BICRA: variants seen among roughly 807,000 people sequenced by gnomAD.
BICRA encodes the protein BRD4 interacting chromatin remodeling complex associated protein.
In BICRA, 31 loss-of-function variants were observed where a neutral mutation model predicts 96.9. The observed-to-expected ratio is 0.32, with a 90% CI of 0.24 to 0.43. The LOEUF (loss-of-function observed/expected upper bound fraction) is 0.43. Ranked by LOEUF, BICRA falls within the 20% of genes least tolerant of loss-of-function variation. The probability of loss-of-function intolerance (pLI) is 1.00; values close to 1 mark genes in which losing one functional copy is unlikely to be tolerated. For synonymous variants in BICRA, 1,350 were observed against 1,071.8 expected (o/e 1.26, Z -5.07); for missense variants, 2,283 against 2,190.3 (o/e 1.04, Z -0.84).
Position 47,675,600 on chromosome 19 carries a change from G to A in BICRA, c.85-251G>A, listed in dbSNP as rs923043371. Among the ~76,000 whole-genome samples, 3 of 152,182 alleles carry A rather than the reference G, an allele frequency of 2.0e-5. No homozygotes were observed. Among genetic ancestry groups the A allele is most frequent in the African/African-American group, 4.8e-5 (2 of 41,444 alleles). ...TGAAGGCAGGATTCCGGAATTCGAGGCAGTCACAGCAGGATCGCTTCGCAG... is the reference window on the plus strand; with the variant it reads ...TGAAGGCAGGATTCCGGAATTCGAGACAGTCACAGCAGGATCGCTTCGCAG... On this transcript the variant is annotated intron_variant, in intron 4 of 14. Coordinates refer to ENST00000594866, the MANE Select transcript of BICRA (RefSeq NM_001394372.1). This position sits in a 1 kb window ranked among gnomAD's most constrained non-coding sequence, Gnocchi z 4.7.
At chr19:47,609,912 G>A (rs965013190) in intron 1 of BICRA, among the ~76,000 whole-genome samples, 1 of 152,114 alleles carries the variant, frequency 6.6e-6, no homozygotes, top group African/African-American at 2.4e-5. Context: ...AGAGGGAGGT[G>A]ACCCCCTCCC....
intron 1 of BICRA, among the ~76,000 whole-genome samples, chr19:47,639,278 G>T (rs150350793): frequency 7.1e-6 from 1 of 141,236 alleles, no homozygotes; most frequent in Non-Finnish European, 1.5e-5. Context: ...AAAGTGCTGC[G>T]ATTATAAGTG....
At chr19:47,688,093 T>G (rs540203352) in intron 7 of BICRA, among the ~76,000 whole-genome samples, 1 of 151,930 alleles carries the variant, frequency 6.6e-6, no homozygotes, top group Non-Finnish European at 1.5e-5. Context: ...GTGTGTGAAG[T>G]TGAGCATCTT....
At chr19:47,616,375 G>A (rs1276558448) in intron 1 of BICRA, among the ~76,000 whole-genome samples, 1 of 152,208 alleles carries the variant, frequency 6.6e-6, no homozygotes, top group Non-Finnish European at 1.5e-5. Context: ...GGTGGCTCAT[G>A]CCTGTAATCC....
chr19:47,698,929 A>C lies in BICRA; in HGVS notation c.3398-36A>C. The C allele has an allele frequency of 1.3e-6, 2 of 1,500,236 alleles. No homozygotes were observed. The highest frequency in any genetic ancestry group is 1.8e-6 in the Non-Finnish European group (2 of 1,097,708). 92.9% of individuals were successfully genotyped at this position (1,500,236 alleles called of 1,614,324 possible). A position where few individuals can be genotyped will look rare whatever the true frequency, so the allele number is the denominator to read the frequency against. The stretch of plus-strand genomic sequence containing the variant: ...TCCTGCGCATCCGCGGCCGCCCCCA[A>C]CATCTCCGCCCTTGCCTCTCTTCCC... On this transcript the variant is annotated intron_variant, in intron 12 of 14. Transcript: ENST00000594866. The surrounding 1 kb of genome is among the most constrained non-coding windows in gnomAD (Gnocchi z 4.8).
At chr19:47,668,611 C>T (rs1972818215) in intron 1 of BICRA, among the ~76,000 whole-genome samples, 1 of 151,734 alleles carries the variant, frequency 6.6e-6, no homozygotes, top group Non-Finnish European at 1.5e-5. Flanking sequence ...CCTCAGTCTC[C>T]TGAGTAGGCA....
chr19:47,674,996 A>G (rs1039117308), intron 4 of BICRA, among the ~76,000 whole-genome samples: 9 of 152,274 alleles, frequency 5.9e-5, no homozygotes, highest in Non-Finnish European at 1.2e-4. Context: ...GGCATGAGCA[A>G]TGGGATGATG....
chr19:47,674,755 T>C (rs1972916700), intron 4 of BICRA, among the ~76,000 whole-genome samples: 2 of 152,164 alleles, frequency 1.3e-5, no homozygotes, highest in Non-Finnish European at 2.9e-5. Flanking sequence ...TAGTGCTGCT[T>C]GAGTGTCTTC....
Position 47,647,044 on chromosome 19 carries a change from C to T in BICRA, c.-107-23399C>T, listed in dbSNP as rs531391392. The stretch of plus-strand genomic sequence containing the variant: ...GACATTTCGTGGAAACAGACTCTTA[C>T]ACGACGTGGCCTTTTGTGCCTGGCT... On this transcript the variant is annotated intron_variant, in intron 1 of 14. Coordinates refer to ENST00000594866, the MANE Select transcript of BICRA (RefSeq NM_001394372.1). Among the ~76,000 whole-genome samples, 21 of 152,340 alleles carry T rather than the reference C, an allele frequency of 1.4e-4. No individual in the cohort carries two copies. In the South Asian group the frequency reaches 4.3e-3, roughly 32 times the overall value.
intron 1 of BICRA, chr19:47,662,186 G>C (rs74254180): frequency 0.21 from 32,628 of 152,390 alleles, 4,566 homozygotes; most frequent in East Asian, 0.52. Flanking sequence ...TTTGGACTGG[G>C]CGTAGCTAGG....
chr19:47,692,129 G>C lies in BICRA; in HGVS notation c.2284-1986G>C, dbSNP rs113148388. ...TGAGTGGGCCAGTTCTCTTTTCTCC[G>C]ACTCAGCGACGCACCTGCCATTGGC... On this transcript the variant is annotated intron_variant, in intron 7 of 14. Transcript: ENST00000594866. Among the ~76,000 whole-genome samples, 248 of 152,132 alleles carry C rather than the reference G, an allele frequency of 1.6e-3. 5 individuals are homozygous for C. Among genetic ancestry groups the C allele is most frequent in the African/African-American group, 5.9e-3 (243 of 41,498 alleles).
At chr19:47,630,196 TGTCGCCTAGGCTGGAGTGCAGTGGC>T (rs1168725591) in intron 1 of BICRA, among the ~76,000 whole-genome samples, 3 of 143,952 alleles carry the variant, frequency 2.1e-5, no homozygotes, top group African/African-American at 7.8e-5. Context: ...AGTCTCACTC[TGTCGCCTAGGCTGGAGTGCAGTGGC>T]GCAATCTCGG....
intron 2 of BICRA, among the ~76,000 whole-genome samples, chr19:47,672,572 A>AGTGG (rs1264883021): frequency 1.7e-5 from 2 of 120,662 alleles, no homozygotes; most frequent in Non-Finnish European, 3.4e-5. Context: ...TGGAAAGATA[A>AGTGG]AGAAGTGGAT....
chr19:47,609,071 T>C (rs1971853068), upstream of BICRA: 2 of 147,486 alleles, frequency 1.4e-5, no homozygotes, highest in African/African-American at 4.9e-5. Flanking sequence ...GGCAGTGCGC[T>C]GACCGGCCCG....
chr19:47,684,415 C>G lies in BICRA; in HGVS notation c.2283+2263C>G, dbSNP rs11083890. ...CAAGCTGGTCTCAAACGCCTGACCT[C>G]AGGTGAACCACCTGCCTCGGCCTCC... On this transcript the variant is annotated intron_variant, in intron 7 of 14. Coordinates refer to ENST00000594866, the MANE Select transcript of BICRA (RefSeq NM_001394372.1). Among the ~76,000 whole-genome samples, 578 of 152,290 alleles carry G rather than the reference C, an allele frequency of 3.8e-3. 5 individuals are homozygous for G. The highest frequency in any genetic ancestry group is 0.013 in the African/African-American group (559 of 41,562).
At chr19:47,629,655 T>C (rs1972191499) in intron 1 of BICRA, among the ~76,000 whole-genome samples, 1 of 143,570 alleles carries the variant, frequency 7.0e-6, no homozygotes, top group Non-Finnish European at 1.6e-5. Flanking sequence ...AAATATCTAT[T>C]TTTTTTGTGT....
At chr19:47,619,159 A>G (rs1287475386) in intron 1 of BICRA, among the ~76,000 whole-genome samples, 8 of 150,908 alleles carry the variant, frequency 5.3e-5, no homozygotes, top group African/African-American at 2.0e-4. Flanking sequence ...TTGTGTGTAT[A>G]CTTACTCTTT....
At chr19:47,632,606 C>T (rs1024614272) in intron 1 of BICRA, among the ~76,000 whole-genome samples, 2 of 152,210 alleles carry the variant, frequency 1.3e-5, no homozygotes, top group African/African-American at 4.8e-5. Flanking sequence ...GGGCTCCCAT[C>T]ACTGTGTGCC....
chr19:47,649,557 A>G (rs1006526540), intron 1 of BICRA, among the ~76,000 whole-genome samples: 17 of 152,318 alleles, frequency 1.1e-4, no homozygotes, highest in Admixed American at 1.0e-3. Flanking sequence ...CCTGTCCAAC[A>G]GAATCTATTT....
Sources: gnomAD v4.1 joint callset for allele counts (sites outside exome capture counted in the v4.1 genomes callset) on GRCh38, gnomAD v4.1.1 for gene constraint, Gnocchi (gnomAD v3.1) non-coding constraint, MANE v1.5 for transcripts, NCBI Gene and HGNC (gene_info 2026-07-23, HGNC 2026-07-21) for gene names.